Variants in ZC3H3 observed in about 807,000 individuals in gnomAD.
ZC3H3 encodes the protein zinc finger CCCH-type containing 3.
ZC3H3 carries 36 observed loss-of-function variants against 77.3 expected under a neutral mutation model. The observed-to-expected ratio is 0.47, with a 90% CI of 0.36 to 0.61. The LOEUF is 0.61. Among genes scored for constraint, ZC3H3 ranks in the 20% least tolerant of loss-of-function variants. The pLI, the probability that ZC3H3 is intolerant of heterozygous loss-of-function variation, is 0.00. For missense variants in ZC3H3, 1,331 were observed against 1,312.2 expected (o/e 1.01, Z -0.22); for synonymous variants, 626 against 555.2 (o/e 1.13, Z -1.79).
chr8:143,537,207 C>T (rs1025249586), intron 2 of ZC3H3, among the ~76,000 whole-genome samples: 5 of 152,208 alleles, frequency 3.3e-5, no homozygotes, highest in Non-Finnish European at 2.9e-5. Flanking sequence ...CATCACAAGT[C>T]CGCAAGGGTG....
At chr8:143,508,706 G>A (rs1343804839) in intron 3 of ZC3H3, among the ~76,000 whole-genome samples, 1 of 152,090 alleles carries the variant, frequency 6.6e-6, no homozygotes, top group African/African-American at 2.4e-5. Flanking sequence ...CTCAGGGGCT[G>A]CTGCAAGAGG....
chr8:143,514,302 A>C (rs1821963177), intron 3 of ZC3H3, among the ~76,000 whole-genome samples: 1 of 151,876 alleles, frequency 6.6e-6, no homozygotes, highest in Admixed American at 6.6e-5. Context: ...GTGTGTCCCC[A>C]CCACTCCCAC....
intron 4 of ZC3H3, among the ~76,000 whole-genome samples, chr8:143,479,414 G>C (rs56895845): frequency 2.6e-4 from 39 of 152,294 alleles, no homozygotes; most frequent in Non-Finnish European, 4.6e-4. Flanking sequence ...CCCGGAGCGC[G>C]CGTCTGCCCT....
rs988602910 is a variant in ZC3H3, at chr8:143,502,117, C to T, written c.1715+5629G>A. Among the ~76,000 whole-genome samples, 3 of 152,356 alleles carry T rather than the reference C, an allele frequency of 2.0e-5. No homozygotes were observed. The East Asian group carries it at 5.8e-4, about 29-fold the overall frequency. Reference sequence around the variant, plus strand: ...CGTGGGAAGACAGCTGTCTGTAAACCCGGAAGAAGGCCCTTGCCAGACACC... The same window carrying T: ...CGTGGGAAGACAGCTGTCTGTAAACTCGGAAGAAGGCCCTTGCCAGACACC... On this transcript the variant is annotated intron_variant, in intron 4 of 11. Transcript: ENST00000262577.
At chr8:143,536,586 G>T in intron 2 of ZC3H3, 133 bp from the exon 3 acceptor site, 1 of 950,310 alleles carries the variant, frequency 1.1e-6, no homozygotes, top group Non-Finnish European at 1.5e-6. Context: ...GTCCTTTCTG[G>T]ACCCTGCCTC....
chr8:143,507,544 C>T lies in ZC3H3; in HGVS notation c.1715+202G>A, dbSNP rs145110154. 4.5e-3 allele frequency among the ~76,000 whole-genome samples: 690 copies of T among 152,404 alleles called. 13 individuals carry two copies. In the South Asian group the frequency reaches 0.047, roughly 10 times the overall value. ...TCCGTCTTCACGTGTATGTGGTAAA[C>T]ACAAGCTGGCCTCCTATTTGGTGCA... On this transcript the variant is annotated intron_variant, in intron 4 of 11. Coordinates refer to ENST00000262577, the MANE Select transcript of ZC3H3 (RefSeq NM_015117.3).
intron 8 of ZC3H3, 105 bp downstream of exon 8, chr8:143,468,104 T>G (rs1820462013): frequency 7.2e-7 from 1 of 1,381,358 alleles, no homozygotes; most frequent in Non-Finnish European, 1.0e-6. Flanking sequence ...GGGATCTGCA[T>G]GTCCCAAACC....
At chr8:143,461,553 C>T (rs199932850) in intron 9 of ZC3H3, among the ~76,000 whole-genome samples, 1 of 152,198 alleles carries the variant, frequency 6.6e-6, no homozygotes, top group African/African-American at 2.4e-5. Flanking sequence ...AAGGCTGGAG[C>T]GCGGACATTC....
At position 143,437,959 on chromosome 8, in the gene ZC3H3, G is replaced by A. The variant is rs1819628226; in HGVS notation, c.*97C>T. The A allele has an allele frequency of 6.6e-7, 1 of 1,508,290 alleles. No homozygotes were observed. Among genetic ancestry groups the A allele is most frequent in the Non-Finnish European group, 9.0e-7 (1 of 1,107,338 alleles). The allele number at this position is 1,508,290 out of a possible 1,614,324, so 93.4% of individuals were successfully genotyped here. A position where few individuals can be genotyped will look rare whatever the true frequency, so the allele number is the denominator to read the frequency against. On this transcript the variant is annotated 3_prime_UTR_variant, in exon 12 of 12. Coordinates refer to ENST00000262577, the MANE Select transcript of ZC3H3 (RefSeq NM_015117.3). ...CTGTGGCCCCCAGGTGAGGCTTGGT[G>A]GCGGGCGGCCCTCCTGTGGGGTAGA... is the stretch of plus-strand genomic sequence containing the variant.
intron 5 of ZC3H3, among the ~76,000 whole-genome samples, chr8:143,472,075 C>G (rs760280611): frequency 1.3e-5 from 2 of 152,242 alleles, no homozygotes; most frequent in Admixed American, 1.3e-4. Context: ...CGATGGCAGG[C>G]GGGCCTCCCC....
chr8:143,516,804 G>C (rs201328155), intron 3 of ZC3H3, among the ~76,000 whole-genome samples: 1 of 152,220 alleles, frequency 6.6e-6, no homozygotes, highest in Non-Finnish European at 1.5e-5. Flanking sequence ...ACGCAGCCCC[G>C]TGGGATCCGG....
chr8:143,476,960 G>A (rs1820751771), intron 4 of ZC3H3, among the ~76,000 whole-genome samples: 1 of 152,224 alleles, frequency 6.6e-6, no homozygotes, highest in Non-Finnish European at 1.5e-5. Flanking sequence ...GGTGGGGCTC[G>A]CTTGTCTGGC....
At chr8:143,457,799 T>C (rs1217464270) in intron 9 of ZC3H3, among the ~76,000 whole-genome samples, 1 of 151,862 alleles carries the variant, frequency 6.6e-6, no homozygotes, top group Non-Finnish European at 1.5e-5. Context: ...CCCAGGAGGT[T>C]GAGGCTGTAG....
rs1055773413 is a variant in ZC3H3, at chr8:143,437,827, G to A, written c.*229C>T. 12 of 592,860 alleles carry A rather than the reference G, an allele frequency of 2.0e-5. No homozygotes were observed. The highest frequency in any genetic ancestry group is 3.9e-5 in the South Asian group (2 of 50,904). The allele number at this position is 592,860 out of a possible 1,614,324, so 36.7% of individuals were successfully genotyped here. A position where few individuals can be genotyped will look rare whatever the true frequency, so the allele number is the denominator to read the frequency against. On this transcript the variant is annotated 3_prime_UTR_variant, in exon 12 of 12. Transcript: ENST00000262577. ...GGAGGCCAGCCCTGCCTGGCACCCT[G>A]GAAGGTGGTGGGGTGGGGACAGGGG...
chr8:143,480,705 G>C (rs1199172535), intron 4 of ZC3H3, among the ~76,000 whole-genome samples: 1 of 152,204 alleles, frequency 6.6e-6, no homozygotes, highest in African/African-American at 2.4e-5. Context: ...CTGAGCACCC[G>C]GGCCCTTTCA....
chr8:143,498,944 G>GA (rs537089740), intron 4 of ZC3H3, among the ~76,000 whole-genome samples: 1,544 of 142,574 alleles, frequency 0.011, 38 homozygotes, highest in African/African-American at 0.041. Context: ...GGGCAGTGCA[G>GA]GGGGTACAGG....
At chr8:143,527,682 G>T (rs117271198) in intron 3 of ZC3H3, among the ~76,000 whole-genome samples, 2 of 152,062 alleles carry the variant, frequency 1.3e-5, no homozygotes. Context: ...GCCCTTTCAC[G>T]GGGTTCACCG....
rs1484314516 is a variant in ZC3H3 at position 143,460,405 on chromosome 8, T to C, written c.2307+5312A>G. 6.6e-6 allele frequency among the ~76,000 whole-genome samples: 1 copy of C among 151,838 alleles called. No homozygotes were observed. Among genetic ancestry groups the C allele is most frequent in the Non-Finnish European group, 1.5e-5 (1 of 67,984 alleles). ...CACAAAAAAAGTTAGAATAAAGAAA[T>C]TCAACCACAACAAGTGGTGGGGAGG... On this transcript the variant is annotated intron_variant, in intron 9 of 11. Coordinates refer to ENST00000262577, the MANE Select transcript of ZC3H3 (RefSeq NM_015117.3). This position sits in a 1 kb window ranked among gnomAD's most constrained non-coding sequence, Gnocchi z 4.0.
At chr8:143,461,533 C>T (rs1820261774) in intron 9 of ZC3H3, among the ~76,000 whole-genome samples, 3 of 152,274 alleles carry the variant, frequency 2.0e-5, no homozygotes, top group South Asian at 2.1e-4. Context: ...GCAAAAGCAT[C>T]GGCCACACAA....
Sources: gnomAD v4.1 joint callset for allele counts (sites outside exome capture counted in the v4.1 genomes callset) on GRCh38, gnomAD v4.1.1 for gene constraint, Gnocchi (gnomAD v3.1) non-coding constraint, MANE v1.5 for transcripts, NCBI Gene and HGNC (gene_info 2026-07-23, HGNC 2026-07-21) for gene names.